SP2: variants seen among roughly 807,000 people sequenced by gnomAD.
SP2 encodes the protein Sp2 transcription factor.
SP2 carries 9 observed loss-of-function variants against 50.1 expected under a neutral mutation model. The ratio of observed to expected loss-of-function variants is 0.18; its 90% CI spans 0.11 to 0.31. SP2 has a LOEUF of 0.31. Among genes scored for constraint, SP2 ranks in the 10% least tolerant of loss-of-function variants. The probability of loss-of-function intolerance (pLI) is 1.00; values close to 1 mark genes in which losing one functional copy is unlikely to be tolerated. For synonymous variants in SP2, 313 were observed against 326.6 expected, an observed-to-expected ratio of 0.96 and a Z score of 0.45; for missense variants, 581 against 806.5, an observed-to-expected ratio of 0.72 and a Z score of 3.39.
Position 47,916,715 on chromosome 17 carries a change from C to G in SP2, c.644C>G (p.Pro215Arg), listed in dbSNP as rs1300352080. 6.2e-7 allele frequency: 1 copy of G among 1,613,250 alleles called. No homozygotes were observed. Among genetic ancestry groups the G allele is most frequent in the Non-Finnish European group, 8.5e-7 (1 of 1,179,408 alleles). ...GGCGGCAATGTGACGCTCACTCTGC[C>G]CGTCAACAACCTTGTGAACGCCAGT... Reference protein sequence around the residue: ...GGGGNVTLTLPVNNLVNASDT... With the variant: ...GGGGNVTLTLRVNNLVNASDT... Residue 215 changes from proline to arginine, a missense_variant, in exon 3 of 7, where the codon CCC becomes CGC. Pro to Arg is a moderately radical substitution (Grantham distance 103). Coordinates refer to ENST00000376741, the MANE Select transcript of SP2 (RefSeq NM_003110.6). This position sits in a 1 kb window ranked among gnomAD's most constrained non-coding sequence, Gnocchi z 4.7.
At chr17:47,920,500 G>T (rs1173847872) in intron 3 of SP2, among the ~76,000 whole-genome samples, 1 of 151,678 alleles carries the variant, frequency 6.6e-6, no homozygotes. Context: ...GTTAGCCAGG[G>T]TAGTCTCGAT....
intron 1 of SP2, among the ~76,000 whole-genome samples, chr17:47,911,235 A>G (rs1198714542): frequency 6.6e-6 from 1 of 152,024 alleles, no homozygotes; most frequent in Non-Finnish European, 1.5e-5. Context: ...CTAAATAAAT[A>G]AACAAACAAA....
chr17:47,916,308 C>T lies in SP2; in HGVS notation c.237C>T (p.Pro79=), dbSNP rs550166226. ...PIKPAPLPLS[P]GKNSFGILSS... is the part of the protein sequence containing the mutation. ...AACCTGCCCCTCTCCCTCTCAGCCC[C>T]GGCAAGAATAGCTTTGGAATCTTGT... Residue 79 remains proline (P), a synonymous_variant, in exon 3 of 7, where the codon CCC becomes CCT. Coordinates refer to ENST00000376741, the MANE Select transcript of SP2 (RefSeq NM_003110.6). This position sits in a 1 kb window ranked among gnomAD's most constrained non-coding sequence, Gnocchi z 4.7. 9.9e-6 allele frequency: 16 copies of T among 1,614,116 alleles called. No individual in the cohort carries two copies. Among genetic ancestry groups the T allele is most frequent in the South Asian group, 5.5e-5 (5 of 91,078 alleles).
intron 1 of SP2, chr17:47,908,661 TC>T (rs2034858383): frequency 2.0e-5 from 3 of 152,222 alleles, no homozygotes; most frequent in Non-Finnish European, 4.4e-5. Context: ...TTCAAGCGAT[TC>T]TCCTGCCTCA....
downstream of SP2, chr17:47,929,095 A>G (rs1031246676): frequency 2.0e-5 from 3 of 152,660 alleles, no homozygotes; most frequent in African/African-American, 7.2e-5. Context: ...CGGCAAACCC[A>G]AGCCACATGC....
At chr17:47,929,117 C>T (rs1258260348), downstream of SP2, among the ~76,000 whole-genome samples, 4 of 152,352 alleles carry the variant, frequency 2.6e-5, no homozygotes, top group South Asian at 2.1e-4. Context: ...CAAAAGGGGC[C>T]GCGGCCACAT....
At chr17:47,902,893 T>C (rs924597760) in intron 1 of SP2, among the ~76,000 whole-genome samples, 3 of 152,172 alleles carry the variant, frequency 2.0e-5, no homozygotes, top group Non-Finnish European at 4.4e-5. Context: ...GGAGCTGGGA[T>C]TACAGGCGGG....
intron 5 of SP2, 71 bp downstream of exon 5, chr17:47,925,164 A>AG: frequency 6.6e-7 from 1 of 1,518,258 alleles, no homozygotes; most frequent in Non-Finnish European, 8.8e-7. Context: ...ACAGTTGTCC[A>AG]GAGCTGCAAG....
chr17:47,915,334 C>G lies in SP2; in HGVS notation c.30C>G (p.Ala10=). The G allele has an allele frequency of 6.2e-7, 1 of 1,612,918 alleles. No individual in the cohort carries two copies. The highest frequency in any genetic ancestry group is 8.5e-7 in the Non-Finnish European group (1 of 1,179,378). The change falls in exon 2 of 7, where the codon GCC becomes GCG. Residue 10 remains alanine (A), a synonymous_variant. Transcript: ENST00000376741. The stretch of plus-strand genomic sequence containing the variant: ...CAGATCCACAGACCAGCATGGCTGC[C>G]ACTGCTGCTGTGAGTCCCAGTGACT... The part of the protein sequence containing the change: MSDPQTSMA[A]TAAVSPSDYL...
chr17:47,906,110 A>G (rs901844126), intron 1 of SP2, among the ~76,000 whole-genome samples: 1 of 152,160 alleles, frequency 6.6e-6, no homozygotes, highest in Non-Finnish European at 1.5e-5. Context: ...CTTCTAACCA[A>G]ATTGTGGAGG....
At position 47,922,948 on chromosome 17, in the gene SP2, CT is replaced by C; in HGVS notation, c.1060-13del. ...TCTTCCAGGCACTGATTTTTTTTCTCTGGCCCCTCCCAGGTCTACATCCGCA... is the reference window on the plus strand; with the variant it reads ...TCTTCCAGGCACTGATTTTTTTTCTCGGCCCCTCCCAGGTCTACATCCGCA... On this transcript the variant is annotated splice_polypyrimidine_tract_variant and intron_variant, in intron 3 of 6. Transcript: ENST00000376741. 1 of 1,589,916 alleles carries C rather than the reference CT, an allele frequency of 6.3e-7. No homozygotes were observed. The highest frequency in any genetic ancestry group is 8.6e-7 in the Non-Finnish European group (1 of 1,166,094).
chr17:47,917,358 A>C (rs7208707), intron 3 of SP2, among the ~76,000 whole-genome samples: 76,586 of 151,914 alleles, frequency 0.5, 19,860 homozygotes, highest in East Asian at 0.76. Flanking sequence ...ATATTTTGGC[A>C]CCTTTTCCTT....
At chr17:47,910,547 T>C (rs1313913844) in intron 1 of SP2, among the ~76,000 whole-genome samples, 1 of 152,232 alleles carries the variant, frequency 6.6e-6, no homozygotes, top group Admixed American at 6.5e-5. Context: ...AGCTCATTGA[T>C]CTAGCTCCTA....
chr17:47,904,286 A>T (rs931434561), intron 1 of SP2, among the ~76,000 whole-genome samples: 3 of 148,690 alleles, frequency 2.0e-5, no homozygotes, highest in African/African-American at 7.4e-5. Context: ...AAAAAGAAGT[A>T]GAAGTAGCCA....
chr17:47,916,552 G>A lies in SP2; in HGVS notation c.481G>A (p.Gly161Ser). The A allele has an allele frequency of 6.2e-7, 1 of 1,613,994 alleles. No individual in the cohort carries two copies. The highest frequency in any genetic ancestry group is 1.3e-5 in the African/African-American group (1 of 74,958). Reference sequence around the variant, plus strand: ...CACCAACCAGATCCAGATCATCCCTGGCACCAACCAAGCCATCATCACCCC... The same window carrying A: ...CACCAACCAGATCCAGATCATCCCTAGCACCAACCAAGCCATCATCACCCC... ...NLTNQIQIIP[G>S]TNQAIITPSP... Residue 161 changes from glycine to serine, a missense_variant, in exon 3 of 7, where the codon GGC becomes AGC. Physicochemically the swap from Gly to Ser is moderately conservative, Grantham distance 56. This residue lies in a region of SP2 where 397 missense variants were observed against 491.0 expected (regional missense o/e 0.81). Transcript: ENST00000376741. The surrounding 1 kb of genome is among the most constrained non-coding windows in gnomAD (Gnocchi z 4.7).
At chr17:47,925,591 CCT>C in intron 6 of SP2, 50 bp downstream of exon 6, 1 of 1,461,384 alleles carries the variant, frequency 6.8e-7, no homozygotes, top group Non-Finnish European at 9.5e-7. Flanking sequence ...CAAATTCCTG[CCT>C]CTCCTCCCAC....
rs3190376 is a variant in SP2 at position 47,925,028 on chromosome 17, C to T, written c.1482C>T (p.Thr494=). The part of the protein sequence containing the change: ...LQMEQALAGE[T]QPGEKRRRMA... Reference sequence around the variant, plus strand: ...TGGAACAAGCCCTGGCCGGAGAGACCCAGCCCGGGGAGAAGCGGCGCCGCA... The same window carrying T: ...TGGAACAAGCCCTGGCCGGAGAGACTCAGCCCGGGGAGAAGCGGCGCCGCA... Residue 494 remains threonine, a synonymous_variant, in exon 5 of 7, where the codon ACC becomes ACT. Transcript: ENST00000376741. The T allele has an allele frequency of 6.2e-7, 1 of 1,614,054 alleles. No homozygotes were observed. Among genetic ancestry groups the T allele is most frequent in the Non-Finnish European group, 8.5e-7 (1 of 1,180,008 alleles).
At chr17:47,927,337 C>T (rs896567268) in intron 6 of SP2, among the ~76,000 whole-genome samples, 1 of 151,930 alleles carries the variant, frequency 6.6e-6, no homozygotes, top group African/African-American at 2.4e-5. Context: ...AGTTCGAGAC[C>T]AGCCTGGACA....
chr17:47,925,905 CTTTTTTTTTTTT>C (rs71141942), intron 6 of SP2, among the ~76,000 whole-genome samples: 21 of 84,422 alleles, frequency 2.5e-4, no homozygotes, highest in South Asian at 9.0e-4. Flanking sequence ...TTGTTTATGC[CTTTTTTTTTTTT>C]TTTTTTTTTT....
Sources: gnomAD v4.1 joint callset for allele counts (sites outside exome capture counted in the v4.1 genomes callset) on GRCh38, gnomAD v4.1.1 for gene constraint, gnomAD v4.1.1 regional missense constraint, Gnocchi (gnomAD v3.1) non-coding constraint, MANE v1.5 for transcripts, NCBI Gene and HGNC (gene_info 2026-07-23, HGNC 2026-07-21) for gene names.